AGAP3: variants seen among roughly 807,000 people sequenced by gnomAD.
AGAP3 encodes ArfGAP with GTPase domain, ankyrin repeat and PH domain 3, also known as arf-GAP with GTPase, ANK repeat and PH domain-containing protein 3.
AGAP3 carries 24 observed loss-of-function variants against 96.9 expected under a neutral mutation model. The observed-to-expected ratio is 0.25, with a 90% confidence interval of 0.18 to 0.35. AGAP3 has a LOEUF of 0.35. Ranked by LOEUF, AGAP3 falls within the 10% of genes least tolerant of loss-of-function variation. The pLI, the probability that AGAP3 is intolerant of heterozygous loss-of-function variation, is 1.00. For missense variants in AGAP3, 876 were observed against 1,254.2 expected, an observed-to-expected ratio of 0.70 and a Z score of 4.55; for synonymous variants, 563 against 536.1, an observed-to-expected ratio of 1.05 and a Z score of -0.69.
At chr7:151,137,948 G>C (rs1437620893) in intron 11 of AGAP3, 195 bp from the exon 12 acceptor site, 1 of 584,562 alleles carries the variant, frequency 1.7e-6, no homozygotes, top group East Asian at 2.9e-5. Context: ...AAGATCTGGG[G>C]ACAGGCTGCT....
In AGAP3 at chr7:151,120,127, G is replaced by A; in HGVS notation, c.1110G>A (p.Arg370=). Residue 370 remains arginine (R), a synonymous_variant, in exon 8 of 18, where the codon CGG becomes CGA. Transcript: ENST00000397238. ...CACCCATCCGAAAGCAGTCCAAGCGGCGCTCCAACATCTTCACGGTACGTG... is the reference window on the plus strand; with the variant it reads ...CACCCATCCGAAAGCAGTCCAAGCGACGCTCCAACATCTTCACGGTACGTG... ...TPTPIRKQSK[R]RSNIFTSRKG... 1 of 1,611,808 alleles carries A rather than the reference G, an allele frequency of 6.2e-7. No homozygotes were observed. Among genetic ancestry groups the A allele is most frequent in the Non-Finnish European group, 8.5e-7 (1 of 1,178,746 alleles).
intron 11 of AGAP3, chr7:151,136,212 C>G (rs1305686250): frequency 6.6e-6 from 1 of 152,262 alleles, no homozygotes; most frequent in Non-Finnish European, 1.5e-5. Context: ...CAAGTGAGTC[C>G]CTTTCCTTGA....
At chr7:151,126,225 G>A (rs529788800) in intron 9 of AGAP3, among the ~76,000 whole-genome samples, 129 of 152,334 alleles carry the variant, frequency 8.5e-4, no homozygotes, top group Non-Finnish European at 1.3e-3. Flanking sequence ...TGCGAGGAGG[G>A]AGGAGCCACA....
Position 151,118,930 on chromosome 7 carries a change from C to T in AGAP3, c.969+298C>T, listed in dbSNP as rs1799729649. Among the ~76,000 whole-genome samples the T allele has an allele frequency of 6.6e-6, 1 of 152,234 alleles. No homozygotes were observed. The highest frequency in any genetic ancestry group is 2.1e-4 in the South Asian group (1 of 4,830). ...ATGCCCTCTGCTGAAAGTCCTGGGC[C>T]ATCCACAGGTGGCATGGTCAAGGCA... On this transcript the variant is annotated intron_variant, in intron 7 of 17. Transcript: ENST00000397238. This position sits in a 1 kb window ranked among gnomAD's most constrained non-coding sequence, Gnocchi z 6.1.
intron 1 of AGAP3, among the ~76,000 whole-genome samples, chr7:151,089,039 GGCCCTGCT>G (rs964730681): frequency 5.3e-5 from 8 of 151,796 alleles, no homozygotes; most frequent in South Asian, 4.2e-4. Context: ...CCCACTCCTG[GGCCCTGCT>G]GCCCTGCTGC....
intron 1 of AGAP3, among the ~76,000 whole-genome samples, chr7:151,101,063 G>A (rs367684802): frequency 9.2e-5 from 14 of 152,282 alleles, no homozygotes; most frequent in East Asian, 7.7e-4. Context: ...GCTGGCACGC[G>A]TCAATCCTGG....
chr7:151,116,773 G>A lies in AGAP3; in HGVS notation c.332-20G>A. On this transcript the variant is annotated intron_variant, in intron 1 of 17. Coordinates refer to ENST00000397238, the MANE Select transcript of AGAP3 (RefSeq NM_031946.7). ...GTGTGTGCCACCCTGGCCCTGACGG[G>A]GCGGCTCTGTCTTCCGCAGACTCGT... 1 of 1,614,026 alleles carries A rather than the reference G, an allele frequency of 6.2e-7. No homozygotes were observed. Among genetic ancestry groups the A allele is most frequent in the South Asian group, 1.1e-5 (1 of 91,084 alleles).
At chr7:151,122,547 T>G (rs553916540) in intron 8 of AGAP3, among the ~76,000 whole-genome samples, 5 of 149,970 alleles carry the variant, frequency 3.3e-5, no homozygotes, top group Non-Finnish European at 5.9e-5. Flanking sequence ...TCCTCCTCCT[T>G]CTCCTCCTCC....
At position 151,119,217 on chromosome 7, in the gene AGAP3, G is replaced by A. The variant is rs148339458; in HGVS notation, c.969+585G>A. ...CAGTGGTCCCTGTCCCGAGGGGCAG[G>A]TTGTGGAGGGGCAGTGGTCCAAGCA... On this transcript the variant is annotated intron_variant, in intron 7 of 17. Coordinates refer to ENST00000397238, the MANE Select transcript of AGAP3 (RefSeq NM_031946.7). 8 of 163,284 alleles carry A rather than the reference G, an allele frequency of 4.9e-5. 1 individual carries two copies. The East Asian group carries it at 1.1e-3, about 22-fold the overall frequency. The allele number at this position is 163,284 out of a possible 1,614,324, so 10.1% of individuals were successfully genotyped here.
chr7:151,105,581 C>T (rs1386423347), intron 1 of AGAP3, among the ~76,000 whole-genome samples: 3 of 150,522 alleles, frequency 2.0e-5, no homozygotes, highest in Non-Finnish European at 3.0e-5. Context: ...CATAGGGAAA[C>T]CCCGTCTCTA....
At chr7:151,109,561 C>T (rs1299583473) in intron 1 of AGAP3, among the ~76,000 whole-genome samples, 3 of 152,276 alleles carry the variant, frequency 2.0e-5, no homozygotes, top group Middle Eastern at 3.4e-3. Context: ...TATAAGGACA[C>T]GAGTCAGATT....
At chr7:151,125,937 G>C (rs1459770986) in intron 9 of AGAP3, among the ~76,000 whole-genome samples, 1 of 152,202 alleles carries the variant, frequency 6.6e-6, no homozygotes, top group Non-Finnish European at 1.5e-5. Context: ...CTGCTCCGCC[G>C]TGCGCAGCCG....
At chr7:151,122,845 C>T (rs1300360995) in intron 8 of AGAP3, 2 of 1,608,156 alleles carry the variant, frequency 1.2e-6, no homozygotes, top group East Asian at 2.2e-5. Context: ...GGGCCGGAGG[C>T]GGGCCGGGCC....
chr7:151,139,235 G>C lies in AGAP3; in HGVS notation c.1667-744G>C, dbSNP rs1800727384. On this transcript the variant is annotated intron_variant, in intron 12 of 17. Coordinates refer to ENST00000397238, the MANE Select transcript of AGAP3 (RefSeq NM_031946.7). This position sits in a 1 kb window ranked among gnomAD's most constrained non-coding sequence, Gnocchi z 4.9. ...TGAGCCCTCCCAGTAGGAGCCCTGA[G>C]GCCCAGCCTCTGAGCTGCCATGGCC... 6.6e-6 allele frequency among the ~76,000 whole-genome samples: 1 copy of C among 152,206 alleles called. No homozygotes were observed. The highest frequency in any genetic ancestry group is 2.4e-5 in the African/African-American group (1 of 41,458).
intron 7 of AGAP3, among the ~76,000 whole-genome samples, chr7:151,119,742 C>T (rs976063212): frequency 2.0e-5 from 3 of 152,198 alleles, no homozygotes; most frequent in African/African-American, 7.2e-5. Context: ...CAGAAGCACT[C>T]CTGCCGGGGC....
chr7:151,132,437 G>A (rs1331042589), intron 10 of AGAP3, among the ~76,000 whole-genome samples: 1 of 152,198 alleles, frequency 6.6e-6, no homozygotes, highest in African/African-American at 2.4e-5. Flanking sequence ...GTAAGCCCAG[G>A]GCTGCCAGGA....
Position 151,118,704 on chromosome 7 carries a change from TCTG to T in AGAP3, c.969+76_969+78del. On this transcript the variant is annotated intron_variant, in intron 7 of 17. Transcript: ENST00000397238. This position sits in a 1 kb window ranked among gnomAD's most constrained non-coding sequence, Gnocchi z 6.1. Reference sequence around the variant, plus strand: ...TCTTGCCTCTGTGCGTCCTGCCACTTCTGCTGGCCTCCTGCTCACACCTGTCCA... The same window carrying T: ...TCTTGCCTCTGTGCGTCCTGCCACTTCTGGCCTCCTGCTCACACCTGTCCA... 6.4e-7 allele frequency: 1 copy of T among 1,563,456 alleles called. No homozygotes were observed. The highest frequency in any genetic ancestry group is 1.1e-5 in the South Asian group (1 of 87,920).
rs1164045257 is a variant in AGAP3 at position 151,096,176 on chromosome 7, A to G, written c.331+9104A>G. ...TGGCGACTGTCTCATTACTTGTCTC[A>G]GAGGCTCAGCTGTCATCACCGCCTG... On this transcript the variant is annotated intron_variant, in intron 1 of 17. Transcript: ENST00000397238. The surrounding 1 kb of genome is among the most constrained non-coding windows in gnomAD (Gnocchi z 4.4). Among the ~76,000 whole-genome samples, 1 of 152,290 alleles carries G rather than the reference A, an allele frequency of 6.6e-6. No homozygotes were observed. Among genetic ancestry groups the G allele is most frequent in the Middle Eastern group, 3.4e-3 (1 of 294 alleles).
At chr7:151,120,519 G>C (rs1799828938) in intron 8 of AGAP3, 1 of 795,544 alleles carries the variant, frequency 1.3e-6, no homozygotes, top group Admixed American at 2.3e-5. Context: ...TGATTCAACA[G>C]CTAATGAACC....
Sources: gnomAD v4.1 joint callset for allele counts (sites outside exome capture counted in the v4.1 genomes callset) on GRCh38, gnomAD v4.1.1 for gene constraint, Gnocchi (gnomAD v3.1) non-coding constraint, MANE v1.5 for transcripts, NCBI Gene and HGNC (gene_info 2026-07-23, HGNC 2026-07-21) for gene names.